The following GPC2 variants were observed in gnomAD, a reference collection of about 807,000 sequenced individuals.
GPC2 encodes the protein glypican 2.
Under a neutral mutation model 57.3 loss-of-function variants are expected in GPC2, and 42 were observed. That is an observed-to-expected ratio of 0.73 (90% CI 0.57 to 0.95). GPC2 has a LOEUF of 0.95. Among genes scored for constraint, GPC2 ranks in the 40% least tolerant of loss-of-function variants. GPC2 has a pLI of 0.00. For synonymous variants in GPC2, 364 were observed against 343.4 expected, an observed-to-expected ratio of 1.06 and a Z score of -0.66; for missense variants, 745 against 793.6, an observed-to-expected ratio of 0.94 and a Z score of 0.74.
At chr7:100,172,294 C>A in intron 5 of GPC2, 77 bp from the exon 6 acceptor site, 1 of 1,495,590 alleles carries the variant, frequency 6.7e-7, no homozygotes, top group Non-Finnish European at 9.1e-7. Flanking sequence ...AATCCTCACT[C>A]GGGCCTTAGA....
chr7:100,175,946 G>C (rs1179402322), intron 2 of GPC2, 52 bp from the exon 3 acceptor site: 15 of 1,476,024 alleles, frequency 1.0e-5, no homozygotes, highest in Non-Finnish European at 1.4e-5. Context: ...AAAGAATGGG[G>C]AGAAAAGTGA....
intron 5 of GPC2, 109 bp from the exon 6 acceptor site, chr7:100,172,326 GA>G (rs1298580984): frequency 2.4e-6 from 3 of 1,229,516 alleles, no homozygotes; most frequent in African/African-American, 1.5e-5. Flanking sequence ...GTGTTTGGGG[GA>G]AACTCACATG....
intron 2 of GPC2, 133 bp downstream of exon 2, chr7:100,176,074 G>T: frequency 1.2e-6 from 1 of 865,702 alleles, no homozygotes. Flanking sequence ...TGGAGACAGA[G>T]TCTGGGGGGT....
chr7:100,177,315 TG>T lies in GPC2; in HGVS notation c.-117del, dbSNP rs2116998532. 1.1e-6 allele frequency: 1 copy of T among 886,834 alleles called. No homozygotes were observed. The highest frequency in any genetic ancestry group is 1.7e-6 in the Non-Finnish European group (1 of 604,884). 54.9% of individuals were successfully genotyped at this position (886,834 alleles called of 1,614,324 possible). ...GCTCCGCGGGCCAGAGAAAGAGCGC[TG>T]CTCCGGAAAACTGAATACCGAGCAC... On this transcript the variant is annotated 5_prime_UTR_variant, in exon 1 of 10. An upstream open reading frame in the 5' UTR gains an earlier in-frame stop. Transcript: ENST00000292377.
chr7:100,173,630 T>C (rs965890352), intron 5 of GPC2: 1 of 415,256 alleles, frequency 2.4e-6, no homozygotes, highest in African/African-American at 2.1e-5. Context: ...CTTTCCTTCC[T>C]TCTTTCCTTC....
chr7:100,177,318 T>C lies in GPC2; in HGVS notation c.-119A>G. 3.6e-6 allele frequency: 3 copies of C among 830,536 alleles called. No homozygotes were observed. Among genetic ancestry groups the C allele is most frequent in the Non-Finnish European group, 5.4e-6 (3 of 555,494 alleles). The allele number at this position is 830,536 out of a possible 1,614,324, so 51.4% of individuals were successfully genotyped here. On this transcript the variant is annotated 5_prime_UTR_variant, in exon 1 of 10. Coordinates refer to ENST00000292377, the MANE Select transcript of GPC2 (RefSeq NM_152742.3). ...CCGCGGGCCAGAGAAAGAGCGCTGC[T>C]CCGGAAAACTGAATACCGAGCACGA...
In GPC2 at chr7:100,175,599, C is replaced by T. The variant is rs1799252641; in HGVS notation, c.621G>A (p.Gly207=). 6.2e-7 allele frequency: 1 copy of T among 1,612,358 alleles called. No individual in the cohort carries two copies. The highest frequency in any genetic ancestry group is 1.3e-5 in the African/African-American group (1 of 74,842). Residue 207 remains glycine (G), a synonymous_variant, in exon 3 of 10, where the codon GGG becomes GGA. Transcript: ENST00000292377. The part of the protein sequence containing the change: ...SSTDGSLQPF[G]DSPRRLRLQI... The stretch of plus-strand genomic sequence containing the variant: ...GCAGGCGGAGGCGGCGGGGTGAGTC[C>T]CCAAAGGGCTGCAGAGAGCCATCGG...
Position 100,176,378 on chromosome 7 carries a change from G to A in GPC2, c.167-13C>T, listed in dbSNP as rs753122298. 9.3e-6 allele frequency: 15 copies of A among 1,608,272 alleles called. No homozygotes were observed. The highest frequency in any genetic ancestry group is 1.7e-5 in the Admixed American group (1 of 58,902). ...CGGAGGTGCTCACCTGGACAGAGGA[G>A]ACGTGAAGGAATGGTGGGAAGTGAT... is the stretch of plus-strand genomic sequence containing the variant. On this transcript the variant is annotated splice_polypyrimidine_tract_variant and intron_variant, in intron 1 of 9. Coordinates refer to ENST00000292377, the MANE Select transcript of GPC2 (RefSeq NM_152742.3).
Position 100,176,333 on chromosome 7 carries a change from T to C in GPC2, c.199A>G (p.Thr67Ala), listed in dbSNP as rs1466165482. Reference sequence around the variant, plus strand: ...TGCTCTGTCTCACTGGAACAGCAGGTGTACTCCTGGGGACAGACCCGGAGG... The same window carrying C: ...TGCTCTGTCTCACTGGAACAGCAGGCGTACTCCTGGGGACAGACCCGGAGG... ...EHLRVCPQEY[T>A]CCSSETEQRL... Residue 67 changes from threonine (T) to alanine (A), a missense_variant, in exon 2 of 10, where the codon ACC becomes GCC. Coordinates refer to ENST00000292377, the MANE Select transcript of GPC2 (RefSeq NM_152742.3). The C allele has an allele frequency of 6.2e-7, 1 of 1,613,894 alleles. No individual in the cohort carries two copies. Among genetic ancestry groups the C allele is most frequent in the Non-Finnish European group, 8.5e-7 (1 of 1,179,972 alleles).
intron 5 of GPC2, among the ~76,000 whole-genome samples, chr7:100,172,604 T>C (rs1156669844): frequency 7.0e-6 from 1 of 141,866 alleles, no homozygotes; most frequent in African/African-American, 2.6e-5. Flanking sequence ...TAGCTGAGAC[T>C]ACAGGCGCCT....
intron 5 of GPC2, chr7:100,173,452 T>C (rs1454874076): frequency 6.5e-6 from 1 of 154,190 alleles, no homozygotes; most frequent in Non-Finnish European, 1.4e-5. Flanking sequence ...TCTTTTTTTT[T>C]TTTTTGGTAG....
rs998586456 is a variant in GPC2, at chr7:100,170,142, C to T, written c.*88G>A. 3 of 1,370,158 alleles carry T rather than the reference C, an allele frequency of 2.2e-6. No individual in the cohort carries two copies. Among genetic ancestry groups the T allele is most frequent in the Non-Finnish European group, 2.9e-6 (3 of 1,022,660 alleles). 84.9% of individuals were successfully genotyped at this position (1,370,158 alleles called of 1,614,324 possible). A position where few individuals can be genotyped will look rare whatever the true frequency, so the allele number is the denominator to read the frequency against. On this transcript the variant is annotated 3_prime_UTR_variant, in exon 10 of 10. Transcript: ENST00000292377. ...AGTCCCTTCTCTACCCTCTCTGCAG[C>T]CCCCTTCGACTCCTCCCCAGGCCCA...
chr7:100,174,508 C>T (rs1799236204), intron 4 of GPC2, 177 bp downstream of exon 4: 2 of 692,352 alleles, frequency 2.9e-6, no homozygotes, highest in Non-Finnish European at 2.6e-6. Context: ...GATCGTGGAC[C>T]ATTGGAGGTT....
chr7:100,171,581 G>C lies in GPC2; in HGVS notation c.1268C>G (p.Ser423Trp). The C allele has an allele frequency of 6.6e-7, 1 of 1,507,900 alleles. No homozygotes were observed. The highest frequency in any genetic ancestry group is 8.8e-7 in the Non-Finnish European group (1 of 1,140,046). The allele number at this position is 1,507,900 out of a possible 1,614,324, so 93.4% of individuals were successfully genotyped here. A position where few individuals can be genotyped will look rare whatever the true frequency, so the allele number is the denominator to read the frequency against. Residue 423 changes from serine to tryptophan, a missense_variant, in exon 8 of 10, where the codon TCG (serine) becomes TGG (tryptophan). Transcript: ENST00000292377. This position sits in a 1 kb window ranked among gnomAD's most constrained non-coding sequence, Gnocchi z 4.8. Reference sequence around the variant, plus strand: ...GGTCCAGCAGGGCGCCGCCTCCAGCGAGGCGTCCGCTGCCATGCGAGAGTC... The same window carrying C: ...GGTCCAGCAGGGCGCCGCCTCCAGCCAGGCGTCCGCTGCCATGCGAGAGTC... ...CGDSRMAADA[S>W]LEAAPCWTGA...
Position 100,171,934 on chromosome 7 carries a change from C to T in GPC2, c.1024-9G>A. On this transcript the variant is annotated splice_polypyrimidine_tract_variant and intron_variant, in intron 6 of 9. Transcript: ENST00000292377. The surrounding 1 kb of genome is among the most constrained non-coding windows in gnomAD (Gnocchi z 4.8). ...CCGCACTCCTGAAACACCTGCGGCA[C>T]CGGGAAGAGACCTCACACAGTCACC... 6.6e-7 allele frequency: 1 copy of T among 1,512,808 alleles called. No homozygotes were observed. 93.7% of individuals were successfully genotyped at this position (1,512,808 alleles called of 1,614,324 possible). A position where few individuals can be genotyped will look rare whatever the true frequency, so the allele number is the denominator to read the frequency against.
At chr7:100,172,260 ATACTGAAC>A (rs776104386) in intron 5 of GPC2, 43 bp from the exon 6 acceptor site, 4 of 1,603,026 alleles carry the variant, frequency 2.5e-6, no homozygotes, top group Non-Finnish European at 2.6e-6. Flanking sequence ...ATGAGTGGTG[ATACTGAAC>A]TAGGATGTTC....
rs565300517 is a variant in GPC2 at position 100,171,546 on chromosome 7, G to A, written c.1303C>T (p.Arg435Trp). 79 of 1,451,228 alleles carry A rather than the reference G, an allele frequency of 5.4e-5. No homozygotes were observed. Among genetic ancestry groups the A allele is most frequent in the Middle Eastern group, 4.8e-4 (2 of 4,124 alleles). The allele number at this position is 1,451,228 out of a possible 1,614,324, so 89.9% of individuals were successfully genotyped here. Residue 435 changes from arginine to tryptophan, a missense_variant, in exon 8 of 10, where the codon CGG becomes TGG. This residue lies in a region of GPC2 where 607 missense variants were observed against 603.9 expected (regional missense o/e 1.01). Transcript: ENST00000292377. The surrounding 1 kb of genome is among the most constrained non-coding windows in gnomAD (Gnocchi z 4.8). ...EAAPCWTGAG[R>W]GRYLPPVVGG... The stretch of plus-strand genomic sequence containing the variant: ...GACGCCCCCGAGGCTCACCGGCCCC[G>A]CCCGGCTCCGGTCCAGCAGGGCGCC...
Position 100,170,263 on chromosome 7 carries a change from G to A in GPC2, c.1707C>T (p.Ser569=). 1 of 1,576,112 alleles carries A rather than the reference G, an allele frequency of 6.3e-7. No homozygotes were observed. The highest frequency in any genetic ancestry group is 1.2e-5 in the South Asian group (1 of 85,998). ...GFHTQTILIL[S]LSALALLGPR ...GTCCAAGCAGGGCCAGGGCTGAGAG[G>A]GAGAGAATGAGGATGGTTTGGGTGT... is the stretch of plus-strand genomic sequence containing the variant. Residue 569 remains serine (S), a synonymous_variant, in exon 10 of 10, where the codon TCC becomes TCT. Coordinates refer to ENST00000292377, the MANE Select transcript of GPC2 (RefSeq NM_152742.3).
chr7:100,171,384 C>CGG lies in GPC2; in HGVS notation c.1361_1362dup (p.Glu455ProfsTer28). On this transcript the variant is annotated frameshift_variant, in exon 9 of 10. Coordinates refer to ENST00000292377, the MANE Select transcript of GPC2 (RefSeq NM_152742.3). LOFTEE classifies it high-confidence loss of function. The surrounding 1 kb of genome is among the most constrained non-coding windows in gnomAD (Gnocchi z 4.8). The stretch of plus-strand genomic sequence containing the variant: ...GGGCCCGAGGCGTCCACCTTGAGCT[C>CGG]GGGGTTGTTGACCTGCTCGGCCGGG... 1 of 1,535,212 alleles carries CGG rather than the reference C, an allele frequency of 6.5e-7. No individual in the cohort carries two copies. Among genetic ancestry groups the CGG allele is most frequent in the South Asian group, 1.2e-5 (1 of 82,210 alleles).
Sources: gnomAD v4.1 joint callset for allele counts (sites outside exome capture counted in the v4.1 genomes callset) on GRCh38, gnomAD v4.1.1 for gene constraint, gnomAD v4.1.1 regional missense constraint, Gnocchi (gnomAD v3.1) non-coding constraint, MANE v1.5 for transcripts, NCBI Gene and HGNC (gene_info 2026-07-23, HGNC 2026-07-21) for gene names.